The following NHSL1 variants were observed in gnomAD, a reference collection of about 807,000 sequenced individuals.
The protein encoded by NHSL1 is NHS like 1, also known as NHS-like protein 1.
A neutral mutation model predicts 95.0 loss-of-function variants in NHSL1; 48 were observed. The observed-to-expected ratio is 0.51, with a 90% confidence interval of 0.40 to 0.64. The LOEUF is 0.64. Ranked by LOEUF, NHSL1 falls within the 30% of genes least tolerant of loss-of-function variation. The pLI, the probability that NHSL1 is intolerant of heterozygous loss-of-function variation, is 0.00. For missense variants in NHSL1, 1,971 were observed against 2,077.7 expected (o/e 0.95, Z 1.00); for synonymous variants, 783 against 833.9 (o/e 0.94, Z 1.05).
At position 138,630,511 on chromosome 6, in the gene NHSL1, G is replaced by A. The variant is rs369141054; in HGVS notation, c.96+61965C>T. 2.9e-4 allele frequency among the ~76,000 whole-genome samples: 44 copies of A among 151,928 alleles called. 1 individual carries two copies. Among genetic ancestry groups the A allele is most frequent in the African/African-American group, 9.2e-4 (38 of 41,448 alleles). ...TGTGATTCTCCTGCCTCAGCCTCCC[G>A]AGTAGCTGGGATTAAAGGCGTGCGC... On this transcript the variant is annotated intron_variant, in intron 1 of 3. Transcript: ENST00000491526.
chr6:138,464,273 C>A, intron 3 of NHSL1: 1 of 799,088 alleles, frequency 1.3e-6, no homozygotes, highest in Non-Finnish European at 2.1e-6. Context: ...CCACTTCCTG[C>A]TTTGGCAGAC....
intron 1 of NHSL1, among the ~76,000 whole-genome samples, chr6:138,526,645 A>T (rs960798637): frequency 2.0e-5 from 3 of 152,138 alleles, no homozygotes; most frequent in African/African-American, 7.2e-5. Context: ...TTTTATGATA[A>T]GCTTTTTCAA....
chr6:138,506,942 A>T (rs1177188144), intron 1 of NHSL1, among the ~76,000 whole-genome samples: 1 of 152,232 alleles, frequency 6.6e-6, no homozygotes, highest in Admixed American at 6.5e-5. Context: ...GAAACAACCC[A>T]AAAGATGAAT....
intron 1 of NHSL1, among the ~76,000 whole-genome samples, chr6:138,561,948 C>G (rs1217090237): frequency 6.6e-6 from 1 of 152,200 alleles, no homozygotes; most frequent in African/African-American, 2.4e-5. Flanking sequence ...AGTTTAATGT[C>G]TATGATATCT....
chr6:138,528,612 T>C (rs1009454292), intron 1 of NHSL1, among the ~76,000 whole-genome samples: 9 of 152,252 alleles, frequency 5.9e-5, no homozygotes, highest in African/African-American at 2.2e-4. Flanking sequence ...GATTATCAAC[T>C]GTTAATTTCT....
intron 1 of NHSL1, among the ~76,000 whole-genome samples, chr6:138,543,553 G>A (rs951327701): frequency 1.3e-5 from 2 of 152,212 alleles, no homozygotes; most frequent in African/African-American, 4.8e-5. Context: ...ACAGGAACAT[G>A]ATTTAAACCA....
chr6:138,573,290 G>T (rs951939633), upstream of NHSL1, among the ~76,000 whole-genome samples: 8 of 152,150 alleles, frequency 5.3e-5, no homozygotes, highest in Non-Finnish European at 1.0e-4. Flanking sequence ...GGTCCTAGGG[G>T]TGTTAAAAGT....
At chr6:138,550,508 A>G (rs1011970618), upstream of NHSL1, among the ~76,000 whole-genome samples, 1 of 152,246 alleles carries the variant, frequency 6.6e-6, no homozygotes, top group Non-Finnish European at 1.5e-5. Flanking sequence ...TTTGCCAACC[A>G]TGACCTTAGG....
In NHSL1 at chr6:138,432,717, C is replaced by T; in HGVS notation, c.1628G>A (p.Gly543Glu). The change falls in exon 6 of 8, where the codon GGG (glycine) becomes GAG (glutamate). Residue 543 changes from glycine (G) to glutamate (E), a missense_variant. By Grantham distance (98) the Gly-to-Glu change is moderately conservative (BLOSUM62 -2). Around this residue, in one of 3 missense-constraint regions of NHSL1, gnomAD observed 1,602 missense variants for 1,654.5 expected, o/e 0.97. Transcript: ENST00000343505. This position sits in a 1 kb window ranked among gnomAD's most constrained non-coding sequence, Gnocchi z 4.4. ...CTCCGAGCTGCTGTGCCCTCCGCCCCCTGAATAACTAGATTCACTCTTGCC... is the reference window on the plus strand; with the variant it reads ...CTCCGAGCTGCTGTGCCCTCCGCCCTCTGAATAACTAGATTCACTCTTGCC... The part of the protein sequence containing the change: ...VDGKSESSYS[G>E]GGGHSSSEPW... 1 of 1,551,632 alleles carries T rather than the reference C, an allele frequency of 6.4e-7. No individual in the cohort carries two copies. The highest frequency in any genetic ancestry group is 8.7e-7 in the Non-Finnish European group (1 of 1,146,956).
chr6:138,643,637 AT>A (rs1784983710), intron 1 of NHSL1, among the ~76,000 whole-genome samples: 1 of 152,220 alleles, frequency 6.6e-6, no homozygotes, highest in Admixed American at 6.5e-5. Flanking sequence ...CTTTTAATAA[AT>A]ATATCTCAGT....
At chr6:138,469,406 T>G (rs546994909) in intron 3 of NHSL1, among the ~76,000 whole-genome samples, 207 of 152,162 alleles carry the variant, frequency 1.4e-3, no homozygotes, top group Non-Finnish European at 2.2e-3. Context: ...ACAGCAGCAC[T>G]AAGACTTGTT....
In NHSL1 at chr6:138,516,457, C is replaced by A. The variant is rs565263233; in HGVS notation, c.17-20086G>T. Among the ~76,000 whole-genome samples the A allele has an allele frequency of 5.9e-5, 9 of 152,282 alleles. No individual in the cohort carries two copies. In the South Asian group the frequency reaches 1.9e-3, roughly 32 times the overall value. On this transcript the variant is annotated intron_variant, in intron 1 of 4. Coordinates refer to the NHSL1 transcript ENST00000342260. ...GAACGTGCCTGAGACCATCTGCTGG[C>A]CTGCTGGGATGACAAAGTGGGGTTT...
chr6:138,473,867 C>T (rs1408250222), intron 2 of NHSL1, among the ~76,000 whole-genome samples: 2 of 152,056 alleles, frequency 1.3e-5, no homozygotes, highest in African/African-American at 2.4e-5. Context: ...GATGCTAATG[C>T]TATGCTTGTT....
chr6:138,690,275 T>C (rs1785646821), intron 1 of NHSL1, among the ~76,000 whole-genome samples: 1 of 152,210 alleles, frequency 6.6e-6, no homozygotes, highest in Non-Finnish European at 1.5e-5. Context: ...TCCTAACAGA[T>C]GGTAATGCAT....
chr6:138,555,674 TGGTAA>T (rs1562368146), intron 1 of NHSL1, among the ~76,000 whole-genome samples: 1 of 152,242 alleles, frequency 6.6e-6, no homozygotes, highest in East Asian at 1.9e-4. Flanking sequence ...GTCTTTGCTA[TGGTAA>T]GTTGCTTATC....
At chr6:138,655,222 TA>T (rs1785141835) in intron 1 of NHSL1, among the ~76,000 whole-genome samples, 1 of 152,226 alleles carries the variant, frequency 6.6e-6, no homozygotes, top group South Asian at 2.1e-4. Flanking sequence ...TTGAGTTTCA[TA>T]AAAATACAAT....
Position 138,544,353 on chromosome 6 carries a change from A to G in NHSL1, c.16+1270T>C, listed in dbSNP as rs1030730432. On this transcript the variant is annotated intron_variant, in intron 1 of 4. Transcript: ENST00000342260. ...CATGTCAGCCCATGACTCCTTGGAA[A>G]TCCACTGCAACTAGATACTCTCTGT... is the stretch of plus-strand genomic sequence containing the variant. Among the ~76,000 whole-genome samples the G allele has an allele frequency of 5.3e-5, 8 of 151,994 alleles. No homozygotes were observed. In the South Asian group the frequency reaches 6.2e-4, roughly 12 times the overall value.
In NHSL1 at chr6:138,485,998, C is replaced by T. The variant is rs576815266; in HGVS notation, c.211+10221G>A. Among the ~76,000 whole-genome samples, 8 of 152,268 alleles carry T rather than the reference C, an allele frequency of 5.3e-5. No homozygotes were observed. The South Asian group carries it at 1.0e-3, about 20-fold the overall frequency. ...TCCCACACCATGTAATGAACAGCCTCGATCTCTGGCTCCGTCTCATAACAC... is the reference window on the plus strand; with the variant it reads ...TCCCACACCATGTAATGAACAGCCTTGATCTCTGGCTCCGTCTCATAACAC... On this transcript the variant is annotated intron_variant, in intron 2 of 7. Transcript: ENST00000343505.
intron 1 of NHSL1, among the ~76,000 whole-genome samples, chr6:138,638,538 C>A (rs1245271011): frequency 6.6e-6 from 1 of 152,030 alleles, no homozygotes; most frequent in South Asian, 2.1e-4. Context: ...TTATTGTCAA[C>A]AAGAAAAGTA....
Sources: allele counts gnomAD v4.1 joint callset (sites outside exome capture counted in the v4.1 genomes callset), GRCh38; gene constraint gnomAD v4.1.1; regional missense constraint gnomAD v4.1.1; non-coding constraint Gnocchi (gnomAD v3.1); transcripts MANE v1.5; gene names NCBI Gene and HGNC (gene_info 2026-07-23, HGNC 2026-07-21).